Variants in RAD51B observed in about 807,000 individuals in gnomAD.
RAD51B encodes the protein RAD51 paralog B.
RAD51B carries 38 observed loss-of-function variants against 42.2 expected under a neutral mutation model. The observed-to-expected ratio is 0.90, with a 90% CI of 0.70 to 1.18. RAD51B has a LOEUF of 1.18. RAD51B is among the 50% of genes most tolerant of loss of function. RAD51B has a pLI of 0.00. For synonymous variants in RAD51B, 154 were observed against 145.2 expected, an observed-to-expected ratio of 1.06 and a Z score of -0.43; for missense variants, 373 against 400.7, an observed-to-expected ratio of 0.93 and a Z score of 0.59.
chr14:68,556,768 G>A (rs1888868352), intron 10 of RAD51B, among the ~76,000 whole-genome samples: 1 of 152,060 alleles, frequency 6.6e-6, no homozygotes, highest in Non-Finnish European at 1.5e-5. Context: ...TTCCAGGGAG[G>A]GCTGGTCACA....
chr14:68,648,092 T>TATATATATACACACACAC (rs1566963535), intron 10 of RAD51B, among the ~76,000 whole-genome samples: 58 of 24,950 alleles, frequency 2.3e-3, no homozygotes, highest in East Asian at 9.0e-3. Context: ...TATACGTGTG[T>TATATATATACACACACAC]GTATATATAT....
intron 7 of RAD51B, among the ~76,000 whole-genome samples, chr14:68,072,614 A>G (rs1173723346): frequency 6.6e-6 from 1 of 152,200 alleles, no homozygotes; most frequent in Non-Finnish European, 1.5e-5. Flanking sequence ...CACATCCAGG[A>G]TCAATATTGC....
At chr14:68,062,699 C>T (rs1487468334) in intron 7 of RAD51B, among the ~76,000 whole-genome samples, 1 of 151,500 alleles carries the variant, frequency 6.6e-6, no homozygotes, top group Admixed American at 6.6e-5. Context: ...ATCCTAGCTA[C>T]TCAGGAGGCT....
At chr14:68,179,189 G>A (rs1022405805) in intron 7 of RAD51B, among the ~76,000 whole-genome samples, 1 of 152,074 alleles carries the variant, frequency 6.6e-6, no homozygotes, top group Non-Finnish European at 1.5e-5. Flanking sequence ...ACTGTTTATT[G>A]GTGAGTGGTT....
At chr14:68,341,718 T>C (rs2082576239) in intron 8 of RAD51B, among the ~76,000 whole-genome samples, 1 of 152,208 alleles carries the variant, frequency 6.6e-6, no homozygotes, top group Non-Finnish European at 1.5e-5. Context: ...AAGGTCTTTT[T>C]TCTCTCCAAC....
chr14:67,918,873 G>A (rs535667309), intron 7 of RAD51B, among the ~76,000 whole-genome samples: 28 of 152,284 alleles, frequency 1.8e-4, no homozygotes, highest in Middle Eastern at 3.4e-3. Flanking sequence ...AGCATGCAAA[G>A]TGCCAAAAAA....
Position 67,931,595 on chromosome 14 carries a change from C to T in RAD51B, c.756+44391C>T, listed in dbSNP as rs542864903. Among the ~76,000 whole-genome samples the T allele has an allele frequency of 9.3e-5, 14 of 150,890 alleles. No homozygotes were observed. In the East Asian group the frequency reaches 1.8e-3, roughly 19 times the overall value. On this transcript the variant is annotated intron_variant, in intron 7 of 10. Transcript: ENST00000471583. Reference sequence around the variant, plus strand: ...TCAGCTCACTGCAACCTCTGCCTCCCGGGTTCAAGCAATTCTCCTGCCTCA... The same window carrying T: ...TCAGCTCACTGCAACCTCTGCCTCCTGGGTTCAAGCAATTCTCCTGCCTCA...
At chr14:68,544,070 G>T (rs566797667) in intron 10 of RAD51B, among the ~76,000 whole-genome samples, 1 of 152,182 alleles carries the variant, frequency 6.6e-6, no homozygotes, top group African/African-American at 2.4e-5. Flanking sequence ...TGCCAACTTT[G>T]CATAAGATAC....
intron 8 of RAD51B, among the ~76,000 whole-genome samples, chr14:68,404,569 T>A (rs959054458): frequency 5.3e-5 from 8 of 152,200 alleles, no homozygotes; most frequent in African/African-American, 1.9e-4. Flanking sequence ...CCTACCTCCC[T>A]CTCTCAAGTG....
intron 9 of RAD51B, among the ~76,000 whole-genome samples, chr14:68,432,356 A>G (rs1285033050): frequency 6.6e-6 from 1 of 152,150 alleles, no homozygotes; most frequent in African/African-American, 2.4e-5. Flanking sequence ...TGGGGTGTTA[A>G]AGTCTCCCAT....
At chr14:67,959,856 G>A (rs1468160080) in intron 7 of RAD51B, among the ~76,000 whole-genome samples, 1 of 152,106 alleles carries the variant, frequency 6.6e-6, no homozygotes, top group Non-Finnish European at 1.5e-5. Flanking sequence ...AAGACAGGTG[G>A]ATCACTTGCG....
chr14:68,676,079 G>A (rs1020517656), intron 11 of RAD51B, among the ~76,000 whole-genome samples: 2 of 152,148 alleles, frequency 1.3e-5, no homozygotes, highest in African/African-American at 2.4e-5. Context: ...TTCTTACTAT[G>A]TGCCAGGCAC....
At chr14:68,156,478 T>TCA (rs2078512577) in intron 7 of RAD51B, among the ~76,000 whole-genome samples, 1 of 148,372 alleles carries the variant, frequency 6.7e-6, no homozygotes, top group Non-Finnish European at 1.5e-5. Context: ...TCTCTCTCTC[T>TCA]CTCTCTCTCT....
chr14:68,252,361 T>C (rs983580902), intron 7 of RAD51B, among the ~76,000 whole-genome samples: 4 of 152,214 alleles, frequency 2.6e-5, no homozygotes, highest in African/African-American at 9.7e-5. Flanking sequence ...TAAAATTATG[T>C]AAATCTAGCT....
intron 7 of RAD51B, among the ~76,000 whole-genome samples, chr14:67,990,953 C>T (rs574918775): frequency 1.8e-4 from 27 of 151,962 alleles, no homozygotes; most frequent in Non-Finnish European, 2.8e-4. Flanking sequence ...AAGCCTTACT[C>T]GAAACCATTT....
chr14:68,195,582 T>C (rs2079352697), intron 7 of RAD51B, among the ~76,000 whole-genome samples: 1 of 152,170 alleles, frequency 6.6e-6, no homozygotes, highest in African/African-American at 2.4e-5. Context: ...ATACGTATCT[T>C]TTCTCAGTAT....
chr14:68,211,363 T>C (rs2079704016), intron 7 of RAD51B, among the ~76,000 whole-genome samples: 1 of 152,202 alleles, frequency 6.6e-6, no homozygotes, highest in African/African-American at 2.4e-5. Context: ...AACCAATGTT[T>C]GGAGAAGATA....
At chr14:68,123,134 TA>T (rs1321849187) in intron 7 of RAD51B, among the ~76,000 whole-genome samples, 1 of 152,064 alleles carries the variant, frequency 6.6e-6, no homozygotes, top group Non-Finnish European at 1.5e-5. Context: ...TCCATAAAAA[TA>T]AAATTAACCA....
chr14:68,416,260 T>C (rs1367008800), intron 9 of RAD51B, among the ~76,000 whole-genome samples: 1 of 152,220 alleles, frequency 6.6e-6, no homozygotes, highest in Non-Finnish European at 1.5e-5. Context: ...CATTTTATAT[T>C]TTCGAAGACT....
Sources: allele counts gnomAD v4.1 joint callset (sites outside exome capture counted in the v4.1 genomes callset), GRCh38; gene constraint gnomAD v4.1.1; transcripts MANE v1.5; gene names NCBI Gene and HGNC (gene_info 2026-07-23, HGNC 2026-07-21).